The following ZSWIM8 variants were observed in gnomAD, a reference collection of about 807,000 sequenced individuals.
ZSWIM8 encodes zinc finger SWIM-type containing 8, also known as zinc finger SWIM domain-containing protein 8.
A neutral mutation model predicts 173.7 loss-of-function variants in ZSWIM8; 27 were observed. The ratio of observed to expected loss-of-function variants is 0.16; its 90% CI spans 0.11 to 0.21. ZSWIM8 has a LOEUF of 0.21. Among genes scored for constraint, ZSWIM8 ranks in the 10% least tolerant of loss-of-function variants. The probability of loss-of-function intolerance (pLI) is 1.00; values close to 1 mark genes in which losing one functional copy is unlikely to be tolerated. For missense variants in ZSWIM8, 1,627 were observed against 2,428.8 expected, an observed-to-expected ratio of 0.67 and a Z score of 6.94; for synonymous variants, 958 against 962.0, an observed-to-expected ratio of 1.00 and a Z score of 0.08.
intron 1 of ZSWIM8, among the ~76,000 whole-genome samples, chr10:73,787,706 C>T (rs2083275167): frequency 6.6e-6 from 1 of 151,860 alleles, no homozygotes; most frequent in Non-Finnish European, 1.5e-5. Context: ...ACAAAAGATT[C>T]GCTGGGTGTG....
rs1386033150 is a variant in ZSWIM8, at chr10:73,785,635, C to G, written c.-244C>G. 2.2e-5 allele frequency: 13 copies of G among 587,678 alleles called. No individual in the cohort carries two copies. Among genetic ancestry groups the G allele is most frequent in the African/African-American group, 2.1e-4 (11 of 51,466 alleles). The allele number at this position is 587,678 out of a possible 1,614,324, so 36.4% of individuals were successfully genotyped here. A position where few individuals can be genotyped will look rare whatever the true frequency, so the allele number is the denominator to read the frequency against. On this transcript the variant is annotated 5_prime_UTR_variant, in exon 1 of 26. Coordinates refer to ENST00000604729, the MANE Select transcript of ZSWIM8 (RefSeq NM_001367799.1). Reference sequence around the variant, plus strand: ...GCCTAGAGGCCCCAGCCGCCGAGCGCTTCGTCCCGGCCCTAAGTCTCGGAG... The same window carrying G: ...GCCTAGAGGCCCCAGCCGCCGAGCGGTTCGTCCCGGCCCTAAGTCTCGGAG...
rs1351325123 is a variant in ZSWIM8, at chr10:73,797,363, C to A, written c.3434-14C>A. 1 of 1,613,548 alleles carries A rather than the reference C, an allele frequency of 6.2e-7. No individual in the cohort carries two copies. ...GACTCCTGACTTCTGAGACTGACTT[C>A]TCTTGGGGGTTAGGCATGGCCAGCA... On this transcript the variant is annotated splice_polypyrimidine_tract_variant and intron_variant, in intron 17 of 25. Coordinates refer to ENST00000604729, the MANE Select transcript of ZSWIM8 (RefSeq NM_001367799.1). This position sits in a 1 kb window ranked among gnomAD's most constrained non-coding sequence, Gnocchi z 5.6.
In ZSWIM8 at chr10:73,797,757, G is replaced by A. The variant is rs369774182; in HGVS notation, c.3663-24G>A. The A allele has an allele frequency of 3.6e-5, 58 of 1,590,566 alleles. No homozygotes were observed. The highest frequency in any genetic ancestry group is 2.7e-4 in the East Asian group (12 of 44,558). ...CCATTTCAAAGAAACCCCAACCCCC[G>A]TCCCTACCCCATTGCCCCTTCAGGT... On this transcript the variant is annotated intron_variant, in intron 18 of 25. Transcript: ENST00000604729. This position sits in a 1 kb window ranked among gnomAD's most constrained non-coding sequence, Gnocchi z 5.6.
In ZSWIM8 at chr10:73,789,970, T is replaced by C. The variant is rs763963316; in HGVS notation, c.753T>C (p.Ala251=). 3 of 1,613,310 alleles carry C rather than the reference T, an allele frequency of 1.9e-6. No individual in the cohort carries two copies. Among genetic ancestry groups the C allele is most frequent in the South Asian group, 1.1e-5 (1 of 90,830 alleles). The part of the protein sequence containing the change: ...SELPQQILPT[A]QRLLDELLSS... ...TTCTCCCTCAGATCCTCCCCACAGC[T>C]CAGCGTCTCCTGGACGAACTCCTGT... Residue 251 remains alanine, a synonymous_variant, in exon 6 of 26, where the codon GCT becomes GCC. Transcript: ENST00000604729. The surrounding 1 kb of genome is among the most constrained non-coding windows in gnomAD (Gnocchi z 6.8).
rs567650761 is a variant in ZSWIM8 at position 73,800,974 on chromosome 10, G to T, written c.5123-43G>T. 1 of 1,513,256 alleles carries T rather than the reference G, an allele frequency of 6.6e-7. No homozygotes were observed. The highest frequency in any genetic ancestry group is 2.5e-5 in the East Asian group (1 of 40,380). 93.7% of individuals were successfully genotyped at this position (1,513,256 alleles called of 1,614,324 possible). Reference sequence around the variant, plus strand: ...ATCTGTAAGTTGGGTCCCTAGGGCAGAGGTGGCCACCCCCGTCTCATGCCC... The same window carrying T: ...ATCTGTAAGTTGGGTCCCTAGGGCATAGGTGGCCACCCCCGTCTCATGCCC... On this transcript the variant is annotated intron_variant, in intron 24 of 25. Coordinates refer to ENST00000604729, the MANE Select transcript of ZSWIM8 (RefSeq NM_001367799.1). The surrounding 1 kb of genome is among the most constrained non-coding windows in gnomAD (Gnocchi z 4.1).
chr10:73,791,727 A>G lies in ZSWIM8; in HGVS notation c.1320-132A>G, dbSNP rs747499397. On this transcript the variant is annotated intron_variant, in intron 9 of 25. Transcript: ENST00000604729. This position sits in a 1 kb window ranked among gnomAD's most constrained non-coding sequence, Gnocchi z 6.0. The stretch of plus-strand genomic sequence containing the variant: ...TTCAAAATTCTCCAGTGTTTCAGTG[A>G]TGCTTATGGGGCTGGGTCAAGAAGT... 6.8e-5 allele frequency: 89 copies of G among 1,315,270 alleles called. No homozygotes were observed. Among genetic ancestry groups the G allele is most frequent in the Non-Finnish European group, 8.7e-5 (86 of 988,782 alleles). 81.5% of individuals were successfully genotyped at this position (1,315,270 alleles called of 1,614,324 possible). A position where few individuals can be genotyped will look rare whatever the true frequency, so the allele number is the denominator to read the frequency against.
In ZSWIM8 at chr10:73,794,534, TA is replaced by T; in HGVS notation, c.2810-6del. The T allele has an allele frequency of 6.4e-7, 1 of 1,563,102 alleles. No individual in the cohort carries two copies. ...TGTCTGCCTGACTTACCCCAACTTT[TA>T]TACAGTGGTTTCTCCCACAGGTTCC... On this transcript the variant is annotated splice_polypyrimidine_tract_variant and splice_region_variant and intron_variant, in intron 13 of 25. Coordinates refer to ENST00000604729, the MANE Select transcript of ZSWIM8 (RefSeq NM_001367799.1).
rs776612666 is a variant in ZSWIM8, at chr10:73,798,472, TGGGAA to T, written c.4176+20_4176+24del. 1.2e-6 allele frequency: 2 copies of T among 1,605,452 alleles called. No individual in the cohort carries two copies. The highest frequency in any genetic ancestry group is 2.2e-5 in the South Asian group (2 of 90,600). On this transcript the variant is annotated intron_variant, in intron 20 of 25. Coordinates refer to ENST00000604729, the MANE Select transcript of ZSWIM8 (RefSeq NM_001367799.1). ...GGAACAGGTATTTCTACGGGCAATC[TGGGAA>T]CCTCTTCTGGGGCATCTGGGCAGGG...
rs1190516649 is a variant in ZSWIM8, at chr10:73,792,004, G to A, written c.1465G>A (p.Ala489Thr). 6.4e-7 allele frequency: 1 copy of A among 1,550,902 alleles called. No homozygotes were observed. Among genetic ancestry groups the A allele is most frequent in the East Asian group, 2.4e-5 (1 of 40,900 alleles). Residue 489 changes from alanine to threonine, a missense_variant, in exon 10 of 26, where the codon GCC becomes ACC. Ala to Thr is a moderately conservative substitution (Grantham distance 58, BLOSUM62 0). This residue lies in a region of ZSWIM8 where 103 missense variants were observed against 155.6 expected (regional missense o/e 0.66). Transcript: ENST00000604729. This position sits in a 1 kb window ranked among gnomAD's most constrained non-coding sequence, Gnocchi z 4.3. ...GGCCTGCTACTTCAACTGGGAAGAGGCCTACCCACTTCCTGGTGTCACCTA... is the reference window on the plus strand; with the variant it reads ...GGCCTGCTACTTCAACTGGGAAGAGACCTACCCACTTCCTGGTGTCACCTA... ...VEACYFNWEE[A>T]YPLPGVTYSG...
chr10:73,800,895 G>C lies in ZSWIM8; in HGVS notation c.5123-122G>C. 1 of 1,228,638 alleles carries C rather than the reference G, an allele frequency of 8.1e-7. No homozygotes were observed. The highest frequency in any genetic ancestry group is 1.1e-6 in the Non-Finnish European group (1 of 880,944). 76.1% of individuals were successfully genotyped at this position (1,228,638 alleles called of 1,614,324 possible). A position where few individuals can be genotyped will look rare whatever the true frequency, so the allele number is the denominator to read the frequency against. ...TATGTGTGCGTGCGCGGGGGGCGGA[G>C]GGTTACCTCAGCTCCTGGGGTGGAG... On this transcript the variant is annotated intron_variant, in intron 24 of 25. Transcript: ENST00000604729. This position sits in a 1 kb window ranked among gnomAD's most constrained non-coding sequence, Gnocchi z 4.1.
rs1184547851 is a variant in ZSWIM8, at chr10:73,791,364, A to G, written c.1184A>G (p.His395Arg). ...WWYSVRTSAS[H>R]SSASGHTGRS... Reference sequence around the variant, plus strand: ...TATAGCGTACGTACCTCAGCCTCACACAGCAGTGCCAGTGGGCACACGGGC... The same window carrying G: ...TATAGCGTACGTACCTCAGCCTCACGCAGCAGTGCCAGTGGGCACACGGGC... The change falls in exon 9 of 26, where the codon CAC (histidine) becomes CGC (arginine). Residue 395 changes from histidine (H) to arginine (R), a missense_variant. Transcript: ENST00000604729. This position sits in a 1 kb window ranked among gnomAD's most constrained non-coding sequence, Gnocchi z 6.0. 2 of 1,613,400 alleles carry G rather than the reference A, an allele frequency of 1.2e-6. No individual in the cohort carries two copies. The highest frequency in any genetic ancestry group is 1.7e-6 in the Non-Finnish European group (2 of 1,179,420).
intron 15 of ZSWIM8, chr10:73,796,220 G>A (rs1339604638): frequency 4.8e-5 from 9 of 187,272 alleles, no homozygotes; most frequent in East Asian, 1.9e-4. Context: ...ATGGTGGCGC[G>A]CGCCTGTAGT....
In ZSWIM8 at chr10:73,797,133, T is replaced by C. The variant is rs2083701516; in HGVS notation, c.3295T>C (p.Cys1099Arg). The change falls in exon 17 of 26, where the codon TGT becomes CGT. Residue 1099 changes from cysteine (C) to arginine (R), a missense_variant. This residue lies in a region of ZSWIM8 where 163 missense variants were observed against 193.2 expected (regional missense o/e 0.84). Transcript: ENST00000604729. This position sits in a 1 kb window ranked among gnomAD's most constrained non-coding sequence, Gnocchi z 5.6. ...NVPESSPHSP[C>R]EGLPSEAALT... ...CCTAGAGAGTTCCCCACATTCCCCC[T>C]GTGAGGGTCTTCCATCTGAGGCAGC... The C allele has an allele frequency of 1.2e-6, 2 of 1,613,534 alleles. No homozygotes were observed. Among genetic ancestry groups the C allele is most frequent in the Admixed American group, 1.7e-5 (1 of 59,920 alleles).
rs1449778146 is a variant in ZSWIM8, at chr10:73,799,430, C to G, written c.4605C>G (p.His1535Gln). 1 of 1,608,010 alleles carries G rather than the reference C, an allele frequency of 6.2e-7. No homozygotes were observed. Among genetic ancestry groups the G allele is most frequent in the Admixed American group, 1.7e-5 (1 of 59,352 alleles). The change falls in exon 21 of 26, where the codon CAC becomes CAG. Residue 1535 changes from histidine to glutamine, a missense_variant. Physicochemically the swap from His to Gln is conservative, Grantham distance 24. Coordinates refer to ENST00000604729, the MANE Select transcript of ZSWIM8 (RefSeq NM_001367799.1). ...QYLTHPAHPA[H>Q]PMPHMPRPAV... Reference sequence around the variant, plus strand: ...TCACTCACCCAGCTCACCCTGCCCACCCCATGCCTCACATGCCCCGGCCTG... The same window carrying G: ...TCACTCACCCAGCTCACCCTGCCCAGCCCATGCCTCACATGCCCCGGCCTG...
rs1261522312 is a variant in ZSWIM8, at chr10:73,789,092, C to A, written c.363-4C>A. On this transcript the variant is annotated splice_polypyrimidine_tract_variant and splice_region_variant and intron_variant, in intron 2 of 25. Coordinates refer to ENST00000604729, the MANE Select transcript of ZSWIM8 (RefSeq NM_001367799.1). This position sits in a 1 kb window ranked among gnomAD's most constrained non-coding sequence, Gnocchi z 6.8. The stretch of plus-strand genomic sequence containing the variant: ...TGTGGCTGTGTCCTCTTCTTCACCC[C>A]CAGGCTGTATTCGTGCCTGGCCAAT... The A allele has an allele frequency of 1.2e-6, 2 of 1,613,766 alleles. No individual in the cohort carries two copies. The highest frequency in any genetic ancestry group is 1.7e-6 in the Non-Finnish European group (2 of 1,179,790).
chr10:73,800,330 C>T lies in ZSWIM8; in HGVS notation c.4860C>T (p.Ala1620=), dbSNP rs775979903. Residue 1620 remains alanine, a synonymous_variant, in exon 23 of 26, where the codon GCC becomes GCT. Coordinates refer to ENST00000604729, the MANE Select transcript of ZSWIM8 (RefSeq NM_001367799.1). The surrounding 1 kb of genome is among the most constrained non-coding windows in gnomAD (Gnocchi z 4.1). The stretch of plus-strand genomic sequence containing the variant: ...TCCATCCAGCATCCACGTTTCCAGC[C>T]ATCCAAGGTGCCTCACTGCCTGCCC... ...SSVHPASTFP[A]IQGASLPALT... is the part of the protein sequence containing the mutation. 8 of 1,613,810 alleles carry T rather than the reference C, an allele frequency of 5.0e-6. No individual in the cohort carries two copies. The Admixed American group carries it at 1.2e-4, about 24-fold the overall frequency.
At chr10:73,790,322 G>A in intron 7 of ZSWIM8, 30 bp downstream of exon 7, 5 of 1,566,884 alleles carry the variant, frequency 3.2e-6, no homozygotes, top group Non-Finnish European at 4.3e-6. Flanking sequence ...ACCTGTGTCT[G>A]TGGTGGAGGG....
At position 73,800,956 on chromosome 10, in the gene ZSWIM8, A is replaced by G; in HGVS notation, c.5123-61A>G. Reference sequence around the variant, plus strand: ...TGCCAGGCCAGAGCTGAGATCTGTAAGTTGGGTCCCTAGGGCAGAGGTGGC... The same window carrying G: ...TGCCAGGCCAGAGCTGAGATCTGTAGGTTGGGTCCCTAGGGCAGAGGTGGC... On this transcript the variant is annotated intron_variant, in intron 24 of 25. Transcript: ENST00000604729. The surrounding 1 kb of genome is among the most constrained non-coding windows in gnomAD (Gnocchi z 4.1). 1.4e-6 allele frequency: 2 copies of G among 1,467,076 alleles called. No homozygotes were observed. Among genetic ancestry groups the G allele is most frequent in the Non-Finnish European group, 1.8e-6 (2 of 1,084,634 alleles). 90.9% of individuals were successfully genotyped at this position (1,467,076 alleles called of 1,614,324 possible).
Position 73,797,215 on chromosome 10 carries a change from G to A in ZSWIM8, c.3377G>A (p.Gly1126Glu). Residue 1126 changes from glycine (G) to glutamate (E), a missense_variant, in exon 17 of 26, where the codon GGA (glycine) becomes GAA (glutamate). Physicochemically the swap from Gly to Glu is moderately conservative, Grantham distance 98. Coordinates refer to ENST00000604729, the MANE Select transcript of ZSWIM8 (RefSeq NM_001367799.1). The surrounding 1 kb of genome is among the most constrained non-coding windows in gnomAD (Gnocchi z 5.6). ...VPSRLALGSR[G>E]GYNGRGWGSP... ...AGCCGCTTGGCACTTGGCAGTCGTG[G>A]AGGCTATAATGGACGGGGATGGGGG... 1 of 1,614,012 alleles carries A rather than the reference G, an allele frequency of 6.2e-7. No individual in the cohort carries two copies.
Sources: allele counts gnomAD v4.1 joint callset (sites outside exome capture counted in the v4.1 genomes callset), GRCh38; gene constraint gnomAD v4.1.1; regional missense constraint gnomAD v4.1.1; non-coding constraint Gnocchi (gnomAD v3.1); transcripts MANE v1.5; gene names NCBI Gene and HGNC (gene_info 2026-07-23, HGNC 2026-07-21).